Variants in INHBA observed in about 807,000 individuals in gnomAD.
INHBA encodes the protein inhibin beta A chain.
INHBA carries 1 observed loss-of-function variant against 29.0 expected under a neutral mutation model. That is an observed-to-expected ratio of 0.03 (90% CI 0.01 to 0.16). The LOEUF (loss-of-function observed/expected upper bound fraction) is 0.16, where lower values mean the gene tolerates loss of function less well. Among genes scored for constraint, INHBA ranks in the 10% least tolerant of loss-of-function variants. INHBA has a pLI of 1.00. For synonymous variants in INHBA, 242 were observed against 216.8 expected, an observed-to-expected ratio of 1.12 and a Z score of -1.02; for missense variants, 376 against 545.4, an observed-to-expected ratio of 0.69 and a Z score of 3.09.
chr7:41,698,248 C>A (rs562014335), intron 2 of INHBA, among the ~76,000 whole-genome samples: 18 of 152,072 alleles, frequency 1.2e-4, no homozygotes, highest in Non-Finnish European at 2.4e-4. Context: ...TCCAGTAAGT[C>A]AGAAAGAGGG....
chr7:41,697,792 T>C (rs565157926), intron 2 of INHBA, among the ~76,000 whole-genome samples: 72 of 152,366 alleles, frequency 4.7e-4, no homozygotes, highest in Non-Finnish European at 5.7e-4. Context: ...GGATGATAAA[T>C]GTCTTTTCTG....
intron 2 of INHBA, chr7:41,691,062 G>A (rs912907953): frequency 1.3e-5 from 2 of 153,362 alleles, no homozygotes; most frequent in Non-Finnish European, 2.9e-5. Context: ...ATGACATAAG[G>A]ACATTTGACC....
At chr7:41,697,309 G>A (rs779653947) in intron 2 of INHBA, among the ~76,000 whole-genome samples, 5 of 152,268 alleles carry the variant, frequency 3.3e-5, no homozygotes, top group Middle Eastern at 3.4e-3. Context: ...TTTGTTTGTT[G>A]GGATACATTT....
rs980722619 is a variant in INHBA at position 41,686,132 on chromosome 7, G to A, written c.*3518C>T. On this transcript the variant is annotated 3_prime_UTR_variant, in exon 3 of 3. Coordinates refer to ENST00000242208, the MANE Select transcript of INHBA (RefSeq NM_002192.4). ...GACTGCAGGGATTCTCCTTGAAAAC[G>A]GAGTATGGAATCAATCTTAAATAAA... The A allele has an allele frequency of 5.3e-5, 8 of 151,968 alleles. No homozygotes were observed. Among genetic ancestry groups the A allele is most frequent in the Non-Finnish European group, 1.0e-4 (7 of 67,954 alleles). The allele number at this position is 151,968 out of a possible 1,614,324, so 9.4% of individuals were successfully genotyped here. A position where few individuals can be genotyped will look rare whatever the true frequency, so the allele number is the denominator to read the frequency against.
Position 41,688,776 on chromosome 7 carries a change from CAT to C in INHBA, c.*872_*873del, listed in dbSNP as rs1794437116. ...TGTTTGGATCCAACAGATGGACAAA[CAT>C]ATTCCTTTCAAGTATCTCTCCTTGA... On this transcript the variant is annotated 3_prime_UTR_variant, in exon 3 of 3. Coordinates refer to ENST00000242208, the MANE Select transcript of INHBA (RefSeq NM_002192.4). 5.3e-6 allele frequency: 1 copy of C among 190,430 alleles called. No individual in the cohort carries two copies. The highest frequency in any genetic ancestry group is 2.3e-5 in the African/African-American group (1 of 42,754). 11.8% of individuals were successfully genotyped at this position (190,430 alleles called of 1,614,324 possible).
intron 2 of INHBA, among the ~76,000 whole-genome samples, chr7:41,698,452 A>G (rs1000367260): frequency 6.6e-6 from 1 of 152,200 alleles, no homozygotes; most frequent in Non-Finnish European, 1.5e-5. Flanking sequence ...AATATTGTAA[A>G]TATTTTCTTT....
In INHBA at chr7:41,703,026, A is replaced by C. The variant is rs946992724; in HGVS notation, c.-165T>G. The C allele has an allele frequency of 3.3e-5, 5 of 152,188 alleles. No homozygotes were observed. The highest frequency in any genetic ancestry group is 7.3e-5 in the Non-Finnish European group (5 of 68,052). The allele number at this position is 152,188 out of a possible 1,614,324, so 9.4% of individuals were successfully genotyped here. Reference sequence around the variant, plus strand: ...TTACCTTTCTGGTCCCCACTCTTCCACCAGCCGGCTCTTGTATCATGTGGT... The same window carrying C: ...TTACCTTTCTGGTCCCCACTCTTCCCCCAGCCGGCTCTTGTATCATGTGGT... On this transcript the variant is annotated 5_prime_UTR_variant, in exon 1 of 3. Transcript: ENST00000242208.
chr7:41,703,396 G>A (rs562285680), upstream of INHBA, among the ~76,000 whole-genome samples: 3 of 152,030 alleles, frequency 2.0e-5, no homozygotes, highest in Admixed American at 6.5e-5. Flanking sequence ...TTTACTACTC[G>A]CACACACGTC....
intron 2 of INHBA, among the ~76,000 whole-genome samples, chr7:41,699,003 C>G (rs757932431): frequency 6.6e-6 from 1 of 152,202 alleles, no homozygotes; most frequent in Non-Finnish European, 1.5e-5. Context: ...ATTAACACAT[C>G]TGTGTGCCTG....
intron 2 of INHBA, among the ~76,000 whole-genome samples, chr7:41,698,175 T>C (rs150188571): frequency 3.9e-5 from 6 of 152,228 alleles, no homozygotes; most frequent in Non-Finnish European, 8.8e-5. Flanking sequence ...AGAAAGAATG[T>C]AAATGGTCAA....
chr7:41,690,237 C>G lies in INHBA; in HGVS notation c.694G>C (p.Asp232His). The G allele has an allele frequency of 6.2e-7, 1 of 1,614,030 alleles. No individual in the cohort carries two copies. Among genetic ancestry groups the G allele is most frequent in the Non-Finnish European group, 8.5e-7 (1 of 1,180,024 alleles). ...PVSSSIQRLL[D>H]QGKSSLDVRI... ...ACGTCCAGGGAGCTCTTGCCCTGGT[C>G]CAGCAACCGCTGGATGCTGCTGGAG... The change falls in exon 3 of 3, where the codon GAC becomes CAC. Residue 232 changes from aspartate (D) to histidine (H), a missense_variant. Physicochemically the swap from Asp to His is moderately conservative, Grantham distance 81. Transcript: ENST00000242208.
At chr7:41,702,773 T>C (rs1794824031) in intron 1 of INHBA, among the ~76,000 whole-genome samples, 1 of 152,240 alleles carries the variant, frequency 6.6e-6, no homozygotes, top group Non-Finnish European at 1.5e-5. Context: ...CTCTTAAAAA[T>C]AGCTTTCTCT....
In INHBA at chr7:41,688,879, C is replaced by G. The variant is rs1280013026; in HGVS notation, c.*771G>C. 1 of 227,080 alleles carries G rather than the reference C, an allele frequency of 4.4e-6. No individual in the cohort carries two copies. Among genetic ancestry groups the G allele is most frequent in the Admixed American group, 5.7e-5 (1 of 17,548 alleles). 14.1% of individuals were successfully genotyped at this position (227,080 alleles called of 1,614,324 possible). ...TTGTTCTCTCTCAGGTAAACAGTTT[C>G]AAACCTATTAGGTTGCATAGTTCTA... On this transcript the variant is annotated 3_prime_UTR_variant, in exon 3 of 3. Coordinates refer to ENST00000242208, the MANE Select transcript of INHBA (RefSeq NM_002192.4).
chr7:41,690,890 T>C (rs919594944), intron 2 of INHBA, among the ~76,000 whole-genome samples: 1 of 152,206 alleles, frequency 6.6e-6, no homozygotes, highest in Non-Finnish European at 1.5e-5. Context: ...AAGGACTGCG[T>C]AGCTGCAACA....
intron 2 of INHBA, among the ~76,000 whole-genome samples, chr7:41,698,553 GA>G (rs2128670977): frequency 6.6e-6 from 1 of 152,280 alleles, no homozygotes; most frequent in East Asian, 1.9e-4. Flanking sequence ...AAAAGCTCCA[GA>G]AGATAAAGTC....
intron 2 of INHBA, among the ~76,000 whole-genome samples, chr7:41,693,562 C>A (rs1162789083): frequency 6.6e-6 from 1 of 152,204 alleles, no homozygotes; most frequent in Non-Finnish European, 1.5e-5. Context: ...GATGCATGAT[C>A]TAGCCCCACC....
At position 41,700,473 on chromosome 7, in the gene INHBA, T is replaced by TA. The variant is rs1794756502; in HGVS notation, c.-100_-99insT. On this transcript the variant is annotated 5_prime_UTR_variant, in exon 2 of 3. Coordinates refer to ENST00000242208, the MANE Select transcript of INHBA (RefSeq NM_002192.4). The stretch of plus-strand genomic sequence containing the variant: ...TTTGTGTGTGTGGATTTTTTTATTT[T>TA]TTTTTTTGGTGTTTTTTTTTTCCTT... 1 of 1,210,556 alleles carries TA rather than the reference T, an allele frequency of 8.3e-7. No individual in the cohort carries two copies. Among genetic ancestry groups the TA allele is most frequent in the Non-Finnish European group, 1.1e-6 (1 of 913,238 alleles). The allele number at this position is 1,210,556 out of a possible 1,614,324, so 75.0% of individuals were successfully genotyped here.
intron 2 of INHBA, chr7:41,692,240 A>G (rs573498992): frequency 1.3e-4 from 20 of 152,200 alleles, no homozygotes; most frequent in African/African-American, 4.8e-4. Context: ...TCTGCTGTAC[A>G]TGTATCCCAT....
chr7:41,695,793 G>A (rs191314143), intron 2 of INHBA, among the ~76,000 whole-genome samples: 35 of 152,246 alleles, frequency 2.3e-4, no homozygotes, highest in Admixed American at 1.7e-3. Context: ...GAGAACTTTG[G>A]CACTTCTCAT....
Sources: gnomAD v4.1 joint callset for allele counts (sites outside exome capture counted in the v4.1 genomes callset) on GRCh38, gnomAD v4.1.1 for gene constraint, MANE v1.5 for transcripts, NCBI Gene and HGNC (gene_info 2026-07-23, HGNC 2026-07-21) for gene names.